RPTOR: variants seen among roughly 807,000 people sequenced by gnomAD.
The protein encoded by RPTOR is regulatory-associated protein of mTOR.
A neutral mutation model predicts 169.9 loss-of-function variants in RPTOR; 21 were observed. That is an observed-to-expected ratio of 0.12 (90% confidence interval 0.09 to 0.18). RPTOR has a LOEUF of 0.18. Ranked by LOEUF, RPTOR falls within the 10% of genes least tolerant of loss-of-function variation. The pLI is 1.00. For synonymous variants in RPTOR, 732 were observed against 753.2 expected, an observed-to-expected ratio of 0.97 and a Z score of 0.46; for missense variants, 1,133 against 1,855.9, an observed-to-expected ratio of 0.61 and a Z score of 7.16.
intron 21 of RPTOR, among the ~76,000 whole-genome samples, chr17:80,915,015 C>T (rs1036855242): frequency 6.6e-6 from 1 of 152,270 alleles, no homozygotes; most frequent in Non-Finnish European, 1.5e-5. Flanking sequence ...AAACCCTGGA[C>T]TCAGCCAGAC....
intron 21 of RPTOR, among the ~76,000 whole-genome samples, chr17:80,916,776 G>A (rs1489997356): frequency 6.6e-6 from 1 of 152,212 alleles, no homozygotes; most frequent in Non-Finnish European, 1.5e-5. Context: ...AAGGCGGGCG[G>A]ATCACTTGAG....
chr17:80,587,462 A>G (rs1190334611), intron 1 of RPTOR, among the ~76,000 whole-genome samples: 3 of 152,172 alleles, frequency 2.0e-5, no homozygotes, highest in South Asian at 2.1e-4. Context: ...GTGTTTTTAT[A>G]TATGAATTTT....
At chr17:80,689,517 A>T (rs1224653356) in intron 3 of RPTOR, among the ~76,000 whole-genome samples, 1 of 152,248 alleles carries the variant, frequency 6.6e-6, no homozygotes, top group East Asian at 1.9e-4. Flanking sequence ...GATTGCTGTT[A>T]TGAGGAATTT....
chr17:80,708,439 T>G lies in RPTOR; in HGVS notation c.507+440T>G, dbSNP rs2066157718. Among the ~76,000 whole-genome samples, 2 of 152,246 alleles carry G rather than the reference T, an allele frequency of 1.3e-5. No individual in the cohort carries two copies. Among genetic ancestry groups the G allele is most frequent in the Admixed American group, 1.3e-4 (2 of 15,286 alleles). ...TGCCCTGCAGGTGCAGGCTCTGGGC[T>G]TCCCTCCTCAAGGTCAGAATCACCA... On this transcript the variant is annotated intron_variant, in intron 4 of 33. Coordinates refer to ENST00000306801, the MANE Select transcript of RPTOR (RefSeq NM_020761.3). This position sits in a 1 kb window ranked among gnomAD's most constrained non-coding sequence, Gnocchi z 4.2.
rs1019857819 is a variant in RPTOR, at chr17:80,820,007, C to T, written c.891-2194C>T. ...CGCCTCTCTTCCTGAGGCTTGGGGA[C>T]GGTCCTCTGCCCTCATAGTTTGACT... On this transcript the variant is annotated intron_variant, in intron 7 of 33. Transcript: ENST00000306801. This position sits in a 1 kb window ranked among gnomAD's most constrained non-coding sequence, Gnocchi z 4.1. Among the ~76,000 whole-genome samples the T allele has an allele frequency of 3.9e-5, 6 of 152,132 alleles. No individual in the cohort carries two copies. Among genetic ancestry groups the T allele is most frequent in the Admixed American group, 1.3e-4 (2 of 15,276 alleles).
intron 6 of RPTOR, among the ~76,000 whole-genome samples, chr17:80,767,588 C>G (rs1254027396): frequency 6.6e-6 from 1 of 152,096 alleles, no homozygotes. Context: ...AAGACAACCC[C>G]GCACCCAGAT....
chr17:80,929,503 G>A (rs1290012696), intron 24 of RPTOR, among the ~76,000 whole-genome samples: 3 of 152,238 alleles, frequency 2.0e-5, no homozygotes, highest in Non-Finnish European at 4.4e-5. Context: ...GAGTCGATAC[G>A]CTGTTGGGAG....
rs183577289 is a variant in RPTOR, at chr17:80,734,092, C to A, written c.654+3386C>A. Among the ~76,000 whole-genome samples, 395 of 152,356 alleles carry A rather than the reference C, an allele frequency of 2.6e-3. 3 individuals carry two copies. Among genetic ancestry groups the A allele is most frequent in the African/African-American group, 8.0e-3 (334 of 41,580 alleles). The stretch of plus-strand genomic sequence containing the variant: ...TAAACCTTGTACCTGATTATGACCA[C>A]ATAAATATTGCTCGCTCAGTGGCTA... On this transcript the variant is annotated intron_variant, in intron 5 of 33. Coordinates refer to ENST00000306801, the MANE Select transcript of RPTOR (RefSeq NM_020761.3).
chr17:80,658,159 C>A (rs998043554), intron 3 of RPTOR, among the ~76,000 whole-genome samples: 34 of 152,288 alleles, frequency 2.2e-4, no homozygotes, highest in African/African-American at 8.2e-4. Context: ...TTAAACCCCA[C>A]AGTATACAGT....
intron 14 of RPTOR, among the ~76,000 whole-genome samples, chr17:80,882,809 G>GGGAGCCCTGCAGTAATCCAA (rs1453706697): frequency 6.6e-6 from 1 of 152,226 alleles, no homozygotes; most frequent in East Asian, 1.9e-4. Flanking sequence ...CAGGTACCCT[G>GGGAGCCCTGCAGTAATCCAA]GGAGCCCTGC....
intron 9 of RPTOR, among the ~76,000 whole-genome samples, chr17:80,836,197 G>A (rs1349685812): frequency 3.9e-5 from 6 of 152,372 alleles, no homozygotes; most frequent in Admixed American, 3.3e-4. Context: ...TCCCTGGGCC[G>A]GAGCTAGTGG....
chr17:80,738,616 G>C (rs937647329), intron 5 of RPTOR, among the ~76,000 whole-genome samples: 2 of 152,118 alleles, frequency 1.3e-5, no homozygotes, highest in Non-Finnish European at 1.5e-5. Context: ...ATCTTCCTTG[G>C]CTGACCACAT....
At chr17:80,694,038 A>T (rs2066015255) in intron 3 of RPTOR, among the ~76,000 whole-genome samples, 1 of 152,218 alleles carries the variant, frequency 6.6e-6, no homozygotes, top group Non-Finnish European at 1.5e-5. Flanking sequence ...AGAAATTAGA[A>T]ATTTCTTCAG....
intron 6 of RPTOR, among the ~76,000 whole-genome samples, chr17:80,759,498 T>C (rs773278454): frequency 3.9e-4 from 59 of 152,280 alleles, no homozygotes; most frequent in Middle Eastern, 3.4e-3. Context: ...AATTGAGCGG[T>C]GTCTCAGGTG....
intron 2 of RPTOR, among the ~76,000 whole-genome samples, chr17:80,640,844 G>A (rs2065547954): frequency 6.6e-6 from 1 of 152,242 alleles, no homozygotes; most frequent in Non-Finnish European, 1.5e-5. Flanking sequence ...AGCATGCATA[G>A]TGTGAGCCAC....
intron 28 of RPTOR, among the ~76,000 whole-genome samples, chr17:80,949,864 C>T (rs928061084): frequency 6.6e-6 from 1 of 152,252 alleles, no homozygotes; most frequent in Non-Finnish European, 1.5e-5. Context: ...GCCTAAAGGG[C>T]CCGCATCACG....
chr17:80,656,053 G>A (rs1392285751), intron 3 of RPTOR, among the ~76,000 whole-genome samples: 1 of 152,092 alleles, frequency 6.6e-6, no homozygotes, highest in Non-Finnish European at 1.5e-5. Context: ...AGTTTTGAAA[G>A]CAGCATATTG....
At chr17:80,743,438 C>T in intron 5 of RPTOR, 1 of 985,508 alleles carries the variant, frequency 1.0e-6, no homozygotes, top group Non-Finnish European at 1.2e-6. Flanking sequence ...GTAGGAAAGG[C>T]ATGTCAGTGA....
rs371669089 is a variant in RPTOR at position 80,727,318 on chromosome 17, G to A, written c.508-3242G>A. Among the ~76,000 whole-genome samples the A allele has an allele frequency of 2.7e-5, 4 of 146,978 alleles. No homozygotes were observed. The East Asian group carries it at 8.1e-4, about 30-fold the overall frequency. ...TCTGACCGCATCATGCTCCGAGAACGTGGACGCTGCACCTCTGATCATGTC... is the reference window on the plus strand; with the variant it reads ...TCTGACCGCATCATGCTCCGAGAACATGGACGCTGCACCTCTGATCATGTC... On this transcript the variant is annotated intron_variant, in intron 4 of 33. Transcript: ENST00000306801.
Sources: allele counts gnomAD v4.1 joint callset (sites outside exome capture counted in the v4.1 genomes callset), GRCh38; gene constraint gnomAD v4.1.1; non-coding constraint Gnocchi (gnomAD v3.1); transcripts MANE v1.5; gene names NCBI Gene and HGNC (gene_info 2026-07-23, HGNC 2026-07-21).